Variants in STMN4 observed in about 807,000 individuals in gnomAD.
The protein encoded by STMN4 is stathmin 4, also known as stathmin-4.
STMN4 carries 12 observed loss-of-function variants against 29.1 expected under a neutral mutation model. The ratio of observed to expected loss-of-function variants is 0.41; its 90% CI spans 0.26 to 0.67. The LOEUF (loss-of-function observed/expected upper bound fraction) is 0.67, where lower values mean the gene tolerates loss of function less well. Ranked by LOEUF, STMN4 falls within the 30% of genes least tolerant of loss-of-function variation. The probability of loss-of-function intolerance (pLI) is 0.30; values close to 1 mark genes in which losing one functional copy is unlikely to be tolerated. For synonymous variants in STMN4, 114 were observed against 105.3 expected (o/e 1.08, Z -0.51); for missense variants, 181 against 262.8 (o/e 0.69, Z 2.15).
intron 1 of STMN4, among the ~76,000 whole-genome samples, chr8:27,245,728 T>C (rs544846554): frequency 3.9e-5 from 6 of 152,174 alleles, no homozygotes; most frequent in South Asian, 2.1e-4. Flanking sequence ...GGATCAGAAG[T>C]GGAAGCCTGA....
At chr8:27,242,604 C>A in intron 2 of STMN4, 112 bp from the exon 3 acceptor site, 1 of 919,762 alleles carries the variant, frequency 1.1e-6, no homozygotes, top group Non-Finnish European at 1.7e-6. Flanking sequence ...GCACTCAAAC[C>A]ACGCAGGCAC....
chr8:27,252,981 G>A (rs1308044137), intron 1 of STMN4, among the ~76,000 whole-genome samples: 1 of 152,224 alleles, frequency 6.6e-6, no homozygotes, highest in Non-Finnish European at 1.5e-5. Flanking sequence ...CCTATCAAGT[G>A]TACTAAATTA....
rs1032065562 is a variant in STMN4, at chr8:27,235,444, G to A, written c.*1402C>T. The stretch of plus-strand genomic sequence containing the variant: ...CAGCCCCTGCACTCATGTTTGCAGG[G>A]GAAGGGAGGAGGAGAGCTTCTTTTC... On this transcript the variant is annotated 3_prime_UTR_variant, in exon 7 of 7. Coordinates refer to ENST00000350889, the MANE Select transcript of STMN4 (RefSeq NM_030795.4). 6.6e-6 allele frequency: 1 copy of A among 152,420 alleles called. No homozygotes were observed. The highest frequency in any genetic ancestry group is 2.4e-5 in the African/African-American group (1 of 41,454). The allele number at this position is 152,420 out of a possible 1,614,324, so 9.4% of individuals were successfully genotyped here.
intron 1 of STMN4, among the ~76,000 whole-genome samples, chr8:27,255,250 TC>T (rs1362618681): frequency 1.3e-5 from 2 of 152,178 alleles, no homozygotes; most frequent in East Asian, 3.9e-4. Context: ...ATGGATTTGT[TC>T]CCTGAGTGGC....
chr8:27,244,537 C>T (rs1801569372), intron 1 of STMN4, among the ~76,000 whole-genome samples: 1 of 152,134 alleles, frequency 6.6e-6, no homozygotes, highest in Non-Finnish European at 1.5e-5. Context: ...TAGGGCTCCA[C>T]ACCCCCAGCA....
In STMN4 at chr8:27,240,027, T is replaced by A. The variant is rs1359678695; in HGVS notation, c.535A>T (p.Asn179Tyr). 6.2e-7 allele frequency: 1 copy of A among 1,614,260 alleles called. No homozygotes were observed. Among genetic ancestry groups the A allele is most frequent in the Non-Finnish European group, 8.5e-7 (1 of 1,180,048 alleles). The part of the protein sequence containing the change: ...KEKLAQKMES[N>Y]KENREAHLAA... ...AGGTGGGCCTCCCTGTTCTCCTTGTTGGATTCCATCTTCTGGGCCAGTTTT... is the reference window on the plus strand; with the variant it reads ...AGGTGGGCCTCCCTGTTCTCCTTGTAGGATTCCATCTTCTGGGCCAGTTTT... Residue 179 changes from asparagine to tyrosine, a missense_variant, in exon 6 of 7, where the codon AAC becomes TAC. Physicochemically the swap from Asn to Tyr is moderately radical, Grantham distance 143 (BLOSUM62 -2). Coordinates refer to ENST00000350889, the MANE Select transcript of STMN4 (RefSeq NM_030795.4).
At chr8:27,236,985 C>G in intron 6 of STMN4, 80 bp from the exon 7 acceptor site, 1 of 1,481,688 alleles carries the variant, frequency 6.7e-7, no homozygotes, top group Non-Finnish European at 9.1e-7. Context: ...GCAAGAGAAC[C>G]AAAAGCAAAG....
At chr8:27,247,091 C>A (rs1759787885) in intron 1 of STMN4, among the ~76,000 whole-genome samples, 1 of 151,938 alleles carries the variant, frequency 6.6e-6, no homozygotes, top group African/African-American at 2.4e-5. Context: ...CCCATCTCTA[C>A]TAAAAATACA....
intron 1 of STMN4, among the ~76,000 whole-genome samples, chr8:27,246,858 G>A (rs937298043): frequency 1.3e-4 from 20 of 152,144 alleles, no homozygotes; most frequent in African/African-American, 2.9e-4. Context: ...CAGTAGCCCC[G>A]GGGAAACTAA....
Position 27,236,759 on chromosome 8 carries a change from G to T in STMN4, c.*87C>A. 7.7e-7 allele frequency: 1 copy of T among 1,297,688 alleles called. No individual in the cohort carries two copies. The highest frequency in any genetic ancestry group is 1.5e-5 in the African/African-American group (1 of 66,344). The allele number at this position is 1,297,688 out of a possible 1,614,324, so 80.4% of individuals were successfully genotyped here. ...CCCCTCCCCCCAAACCCCAGTGCTG[G>T]GAGCGCAGCCGGCGGGCGAGGCTGC... is the stretch of plus-strand genomic sequence containing the variant. On this transcript the variant is annotated 3_prime_UTR_variant, in exon 7 of 7. Transcript: ENST00000350889.
At chr8:27,249,420 A>G (rs1801721865) in intron 1 of STMN4, among the ~76,000 whole-genome samples, 1 of 152,218 alleles carries the variant, frequency 6.6e-6, no homozygotes, top group African/African-American at 2.4e-5. Context: ...GAGGCTGGCG[A>G]GTCTAAATGT....
rs4733038 is a variant in STMN4 at position 27,236,407 on chromosome 8, A to C, written c.*439T>G. On this transcript the variant is annotated 3_prime_UTR_variant, in exon 7 of 7. Transcript: ENST00000350889. ...GGAAGCAACACCACTGGTACTCACA[A>C]CCCCTCTGGCTGGGTTCTCTGGTGC... is the stretch of plus-strand genomic sequence containing the variant. 0.9 allele frequency: 138,891 copies of C among 153,772 alleles called. 63,732 individuals are homozygous for C. Among genetic ancestry groups the C allele is most frequent in the Non-Finnish European group, 0.98 (67,629 of 69,206 alleles). The allele number at this position is 153,772 out of a possible 1,614,324, so 9.5% of individuals were successfully genotyped here. A position where few individuals can be genotyped will look rare whatever the true frequency, so the allele number is the denominator to read the frequency against.
intron 1 of STMN4, among the ~76,000 whole-genome samples, chr8:27,250,392 C>T (rs1239032590): frequency 1.3e-5 from 2 of 152,182 alleles, no homozygotes; most frequent in Non-Finnish European, 2.9e-5. Context: ...ATGTGCCAAG[C>T]CCTCTGCTAG....
chr8:27,251,580 T>C (rs1032830097), intron 1 of STMN4, among the ~76,000 whole-genome samples: 36 of 151,934 alleles, frequency 2.4e-4, no homozygotes, highest in Non-Finnish European at 7.4e-5. Flanking sequence ...GTGCATCTTA[T>C]AAATAATGCT....
At position 27,235,640 on chromosome 8, in the gene STMN4, A is replaced by G. The variant is rs901672274; in HGVS notation, c.*1206T>C. 2 of 152,234 alleles carry G rather than the reference A, an allele frequency of 1.3e-5. No individual in the cohort carries two copies. Among genetic ancestry groups the G allele is most frequent in the African/African-American group, 4.8e-5 (2 of 41,442 alleles). The allele number at this position is 152,234 out of a possible 1,614,324, so 9.4% of individuals were successfully genotyped here. A position where few individuals can be genotyped will look rare whatever the true frequency, so the allele number is the denominator to read the frequency against. On this transcript the variant is annotated 3_prime_UTR_variant, in exon 7 of 7. Transcript: ENST00000350889. ...TGGTGTGAATGTTGCTGTCTCCCCC[A>G]ATATACAGGTTGAATCCTAATCCCG...
chr8:27,241,332 A>G, intron 4 of STMN4, 70 bp from the exon 5 acceptor site: 3 of 1,593,102 alleles, frequency 1.9e-6, no homozygotes, highest in Non-Finnish European at 2.6e-6. Flanking sequence ...CATGCGGCGC[A>G]TGCACACGGG....
intron 1 of STMN4, among the ~76,000 whole-genome samples, chr8:27,254,652 G>A (rs565536604): frequency 3.3e-5 from 5 of 151,238 alleles, no homozygotes; most frequent in Non-Finnish European, 5.9e-5. Flanking sequence ...TGGGGTGGGA[G>A]TGTTCAGATG....
chr8:27,246,040 G>T (rs1274329149), intron 1 of STMN4, among the ~76,000 whole-genome samples: 3 of 152,178 alleles, frequency 2.0e-5, no homozygotes, highest in Non-Finnish European at 4.4e-5. Context: ...CTAGTCTCCA[G>T]GTCTCTCGAC....
intron 6 of STMN4, chr8:27,239,277 T>C: frequency 6.5e-6 from 10 of 1,535,594 alleles, no homozygotes; most frequent in Non-Finnish European, 8.7e-6. Flanking sequence ...CAGCAGGCGG[T>C]TCCTGGAAAT....
Sources: gnomAD v4.1 joint callset for allele counts (sites outside exome capture counted in the v4.1 genomes callset) on GRCh38, gnomAD v4.1.1 for gene constraint, MANE v1.5 for transcripts, NCBI Gene and HGNC (gene_info 2026-07-23, HGNC 2026-07-21) for gene names.